The following SDK1 variants were observed in gnomAD, a reference collection of about 807,000 sequenced individuals.
SDK1 encodes protein sidekick-1.
Under a neutral mutation model 245.5 loss-of-function variants are expected in SDK1, and 157 were observed. The ratio of observed to expected loss-of-function variants is 0.64; its 90% CI spans 0.56 to 0.73. The LOEUF (loss-of-function observed/expected upper bound fraction) is 0.73, where lower values mean the gene tolerates loss of function less well. SDK1 is among the 30% of genes least tolerant of loss of function. The pLI is 0.00. For synonymous variants in SDK1, 1,647 were observed against 1,278.5 expected (o/e 1.29, Z -6.15); for missense variants, 3,583 against 3,002.3 (o/e 1.19, Z -4.52).
chr7:4,178,582 G>A lies in SDK1; in HGVS notation c.5094G>A (p.Glu1698=). 1.2e-6 allele frequency: 2 copies of A among 1,609,730 alleles called. No homozygotes were observed. The highest frequency in any genetic ancestry group is 1.7e-6 in the Non-Finnish European group (2 of 1,179,026). Residue 1698 remains glutamate, a synonymous_variant, in exon 35 of 45, where the codon GAG becomes GAA. Coordinates refer to ENST00000404826, the MANE Select transcript of SDK1 (RefSeq NM_152744.4). ...ASAPVEVFVG[E]AAPAMAPQNV... ...CGCCCGTGGAGGTCTTTGTCGGCGA[G>A]GCTGGTAAGCTCCGTGCACCCCCAA...
chr7:4,243,380 C>T (rs1488807288), intron 43 of SDK1, among the ~76,000 whole-genome samples: 1 of 152,144 alleles, frequency 6.6e-6, no homozygotes, highest in Non-Finnish European at 1.5e-5. Context: ...TTAAATAAGC[C>T]ATCACCTTTT....
At chr7:4,056,240 C>A (rs982369018) in intron 19 of SDK1, among the ~76,000 whole-genome samples, 1 of 150,496 alleles carries the variant, frequency 6.6e-6, no homozygotes, top group Non-Finnish European at 1.5e-5. Flanking sequence ...AATAACACAT[C>A]TTTGTAAATG....
chr7:4,157,475 AGG>A (rs1562899921), intron 30 of SDK1, among the ~76,000 whole-genome samples: 2 of 70,402 alleles, frequency 2.8e-5, no homozygotes, highest in African/African-American at 3.8e-5. Flanking sequence ...AGAAGGAAGG[AGG>A]GAAGGAAGGG....
chr7:3,796,553 C>A (rs1778966000), intron 4 of SDK1, among the ~76,000 whole-genome samples: 1 of 152,192 alleles, frequency 6.6e-6, no homozygotes, highest in Non-Finnish European at 1.5e-5. Context: ...CAGGACCCCA[C>A]CTGCTGGCTC....
chr7:3,891,991 A>G (rs1781471565), intron 5 of SDK1, among the ~76,000 whole-genome samples: 2 of 152,184 alleles, frequency 1.3e-5, no homozygotes, highest in Admixed American at 6.5e-5. Context: ...CTGTTTTGAA[A>G]ACAAGTTTAG....
In SDK1 at chr7:3,989,134, A is replaced by G. The variant is rs190830544; in HGVS notation, c.2131+1812A>G. Among the ~76,000 whole-genome samples the G allele has an allele frequency of 5.1e-3, 783 of 152,330 alleles. 11 individuals carry two copies. Among genetic ancestry groups the G allele is most frequent in the Non-Finnish European group, 5.2e-3 (356 of 68,030 alleles). On this transcript the variant is annotated intron_variant, in intron 14 of 44. Coordinates refer to ENST00000404826, the MANE Select transcript of SDK1 (RefSeq NM_152744.4). ...GTATTAGTCGGTTTTCACACTGCCA[A>G]TAAAGACACACCCAAGACTGGGCAA...
chr7:4,046,527 A>G (rs182658227), intron 17 of SDK1, among the ~76,000 whole-genome samples: 1 of 152,302 alleles, frequency 6.6e-6, no homozygotes, highest in Non-Finnish European at 1.5e-5. Flanking sequence ...TTGTGAATGA[A>G]TGTCTAATAT....
At chr7:3,581,414 C>G (rs1444301716) in intron 1 of SDK1, among the ~76,000 whole-genome samples, 1 of 152,154 alleles carries the variant, frequency 6.6e-6, no homozygotes, top group East Asian at 1.9e-4. Context: ...TATCACTGAT[C>G]ACTAGGGAAA....
chr7:4,265,406 A>G lies in SDK1; in HGVS notation c.*22A>G, dbSNP rs1430855439. 3.5e-6 allele frequency: 5 copies of G among 1,413,468 alleles called. No homozygotes were observed. Among genetic ancestry groups the G allele is most frequent in the Admixed American group, 3.2e-5 (1 of 31,190 alleles). 87.6% of individuals were successfully genotyped at this position (1,413,468 alleles called of 1,614,324 possible). On this transcript the variant is annotated 3_prime_UTR_variant, in exon 45 of 45. Transcript: ENST00000404826. ...GTGAGCAAAGCGCCGCGCCTCCCTC[A>G]GGGCGGAACGGAGGCAACTTTCCGG...
chr7:3,940,446 G>A (rs1031568641), intron 5 of SDK1, among the ~76,000 whole-genome samples: 8 of 152,168 alleles, frequency 5.3e-5, no homozygotes, highest in African/African-American at 1.9e-4. Flanking sequence ...CTGTTCGTTT[G>A]GAAAAAGACA....
chr7:3,531,840 T>C (rs1186569556), intron 1 of SDK1, among the ~76,000 whole-genome samples: 3 of 152,224 alleles, frequency 2.0e-5, no homozygotes. Flanking sequence ...TCATAAGGAA[T>C]ACTTTGCGGT....
At chr7:3,551,844 A>AT (rs937887778) in intron 1 of SDK1, among the ~76,000 whole-genome samples, 10 of 151,510 alleles carry the variant, frequency 6.6e-5, no homozygotes, top group South Asian at 2.1e-4. Context: ...CCTGGCCTAA[A>AT]TTTTTTTTTG....
At chr7:4,161,747 A>T (rs1245467692) in intron 31 of SDK1, 39 bp from the exon 32 acceptor site, 1 of 1,571,444 alleles carries the variant, frequency 6.4e-7, no homozygotes, top group South Asian at 1.1e-5. Context: ...GAACATAACA[A>T]CCACCCTGAC....
intron 1 of SDK1, among the ~76,000 whole-genome samples, chr7:3,579,107 G>A (rs1233527038): frequency 6.6e-6 from 1 of 151,886 alleles, no homozygotes; most frequent in African/African-American, 2.4e-5. Context: ...TATATAAAGG[G>A]GGCTTATGAA....
At chr7:3,468,271 A>T (rs905214282) in intron 1 of SDK1, among the ~76,000 whole-genome samples, 4 of 152,194 alleles carry the variant, frequency 2.6e-5, no homozygotes, top group Non-Finnish European at 5.9e-5. Flanking sequence ...TTCTGAAATG[A>T]TATAAACAAA....
chr7:3,604,333 C>A (rs948582086), intron 1 of SDK1, among the ~76,000 whole-genome samples: 3 of 152,006 alleles, frequency 2.0e-5, no homozygotes, highest in African/African-American at 7.2e-5. Context: ...TTTCTCTGTC[C>A]CTTTTTACTG....
intron 5 of SDK1, among the ~76,000 whole-genome samples, chr7:3,859,923 A>ATT (rs36028522): frequency 2.1e-3 from 307 of 147,152 alleles, no homozygotes; most frequent in African/African-American, 7.3e-3. Context: ...ACTGATAGAA[A>ATT]TTTTTTTTTT....
In SDK1 at chr7:3,655,815, C is replaced by T. The variant is rs556676697; in HGVS notation, c.713+13710C>T. Among the ~76,000 whole-genome samples the T allele has an allele frequency of 4.6e-5, 7 of 151,970 alleles. No homozygotes were observed. The East Asian group carries it at 9.7e-4, about 21-fold the overall frequency. ...AGACTCAGAAAACAGGTTTCAGTCC[C>T]GGCCCTGCCACGTGGTCGCTGTGTG... On this transcript the variant is annotated intron_variant, in intron 4 of 44. Coordinates refer to ENST00000404826, the MANE Select transcript of SDK1 (RefSeq NM_152744.4).
At chr7:4,005,580 C>T (rs950064416) in intron 14 of SDK1, among the ~76,000 whole-genome samples, 6 of 152,136 alleles carry the variant, frequency 3.9e-5, no homozygotes, top group Admixed American at 6.5e-5. Context: ...GTTATTTAAA[C>T]TTCCCTGAGT....
Sources: gnomAD v4.1 joint callset for allele counts (sites outside exome capture counted in the v4.1 genomes callset) on GRCh38, gnomAD v4.1.1 for gene constraint, MANE v1.5 for transcripts, NCBI Gene and HGNC (gene_info 2026-07-23, HGNC 2026-07-21) for gene names.